Variants in PRKCQ observed in about 807,000 individuals in gnomAD.
PRKCQ encodes protein kinase C theta type.
PRKCQ carries 41 observed loss-of-function variants against 91.2 expected under a neutral mutation model. That is an observed-to-expected ratio of 0.45 (90% confidence interval 0.35 to 0.58). The LOEUF is 0.58. Among genes scored for constraint, PRKCQ ranks in the 20% least tolerant of loss-of-function variants. The pLI is 0.00. For synonymous variants in PRKCQ, 307 were observed against 316.9 expected (o/e 0.97, Z 0.33); for missense variants, 673 against 896.5 (o/e 0.75, Z 3.18).
intron 1 of PRKCQ, among the ~76,000 whole-genome samples, chr10:6,536,676 T>C (rs747344488): frequency 1.4e-4 from 22 of 152,194 alleles, no homozygotes; most frequent in Non-Finnish European, 2.9e-4. Context: ...GGTATCCAAA[T>C]GGGGTACTGG....
intron 12 of PRKCQ, among the ~76,000 whole-genome samples, chr10:6,469,294 C>A (rs894972741): frequency 6.6e-6 from 1 of 152,190 alleles, no homozygotes; most frequent in African/African-American, 2.4e-5. Flanking sequence ...AATTCAGGAT[C>A]CCTCAAAATT....
At chr10:6,490,073 C>CT (rs1324307681) in intron 8 of PRKCQ, among the ~76,000 whole-genome samples, 2 of 152,100 alleles carry the variant, frequency 1.3e-5, no homozygotes, top group Non-Finnish European at 2.9e-5. Context: ...CTAATGAACT[C>CT]TTAATACCCT....
chr10:6,486,882 G>A (rs1370925001), intron 8 of PRKCQ, among the ~76,000 whole-genome samples: 2 of 152,142 alleles, frequency 1.3e-5, no homozygotes, highest in Non-Finnish European at 2.9e-5. Context: ...CGGTGGAGCC[G>A]GAGTGTATAT....
chr10:6,499,119 C>G (rs1837771598), intron 4 of PRKCQ, among the ~76,000 whole-genome samples: 1 of 152,162 alleles, frequency 6.6e-6, no homozygotes, highest in African/African-American at 2.4e-5. Context: ...GACATTGTGT[C>G]CTGGTTCCTG....
intron 11 of PRKCQ, among the ~76,000 whole-genome samples, chr10:6,482,509 A>G (rs181533788): frequency 5.2e-4 from 79 of 152,306 alleles, no homozygotes; most frequent in African/African-American, 1.8e-3. Context: ...ACCATTGCAA[A>G]GCATGGAGAG....
At chr10:6,436,955 G>T (rs1833727314) in intron 16 of PRKCQ, among the ~76,000 whole-genome samples, 1 of 152,210 alleles carries the variant, frequency 6.6e-6, no homozygotes, top group South Asian at 2.1e-4. Context: ...CTGGGTTTGT[G>T]AAGCACAGGG....
chr10:6,411,623 T>G, the PRKCQ span, among the ~76,000 whole-genome samples: 1 of 152,236 alleles, frequency 6.6e-6, no homozygotes, highest in Non-Finnish European at 1.5e-5. Context: ...GGACACCCAT[T>G]TGTTTCCGTA....
At chr10:6,505,808 G>A (rs192501431) in intron 4 of PRKCQ, among the ~76,000 whole-genome samples, 2 of 152,174 alleles carry the variant, frequency 1.3e-5, no homozygotes, top group East Asian at 3.9e-4. Context: ...ACCAACTCTG[G>A]CTAATTTTTG....
intron 12 of PRKCQ, among the ~76,000 whole-genome samples, chr10:6,471,226 C>T (rs970727397): frequency 1.3e-5 from 2 of 148,802 alleles, no homozygotes; most frequent in African/African-American, 2.4e-5. Context: ...AAGAAAAGAG[C>T]GAAACATGCA....
intron 1 of PRKCQ, among the ~76,000 whole-genome samples, chr10:6,569,582 G>A (rs762200281): frequency 2.0e-5 from 3 of 152,118 alleles, no homozygotes; most frequent in South Asian, 2.1e-4. Flanking sequence ...GGCTAGGGAG[G>A]AGGTTCCACA....
chr10:6,437,037 G>A (rs1833730903), intron 16 of PRKCQ, among the ~76,000 whole-genome samples: 1 of 152,178 alleles, frequency 6.6e-6, no homozygotes, highest in Non-Finnish European at 1.5e-5. Context: ...TCCACCTTGG[G>A]ACTCACTTGG....
intron 16 of PRKCQ, 56 bp downstream of exon 16, chr10:6,441,837 C>T: frequency 6.6e-7 from 1 of 1,505,908 alleles, no homozygotes; most frequent in Non-Finnish European, 8.9e-7. Context: ...GAACAGAAAA[C>T]TGACCAGAAG....
rs576699541 is a variant in PRKCQ, at chr10:6,479,810, G to A, written c.1180-645C>T. Reference sequence around the variant, plus strand: ...AAAAAAAAAAATCCAAAAATTAGCCGGGCATGGTGGTGGGTGCCTGTAGTC... The same window carrying A: ...AAAAAAAAAAATCCAAAAATTAGCCAGGCATGGTGGTGGGTGCCTGTAGTC... On this transcript the variant is annotated intron_variant, in intron 11 of 17. Coordinates refer to ENST00000263125, the MANE Select transcript of PRKCQ (RefSeq NM_006257.5). 5.4e-5 allele frequency among the ~76,000 whole-genome samples: 8 copies of A among 148,870 alleles called. 1 individual carries two copies. The highest frequency in any genetic ancestry group is 2.1e-4 in the South Asian group (1 of 4,668).
the PRKCQ span, among the ~76,000 whole-genome samples, chr10:6,404,948 TTCCTTCTA>T: frequency 2.5e-3 from 89 of 35,286 alleles, no homozygotes; most frequent in African/African-American, 0.01. Context: ...CCTTCCTTCC[TTCCTTCTA>T]TCCTTCCTTC....
chr10:6,545,750 T>G (rs942890394), intron 1 of PRKCQ, among the ~76,000 whole-genome samples: 1 of 152,136 alleles, frequency 6.6e-6, no homozygotes, highest in Non-Finnish European at 1.5e-5. Flanking sequence ...CGGTGGCTCA[T>G]GCCTGCAATC....
At position 6,483,533 on chromosome 10, in the gene PRKCQ, A is replaced by G. The variant is rs201040682; in HGVS notation, c.1086T>C (p.Pro362=). ...EVDKMCHLPE[P]ELNKERPSLQ... is the part of the protein sequence containing the mutation. ...GAGATGGTCTTTCTTTGTTCAGTTCAGGTTCTGGAAGATGGCACATTTTAT... is the reference window on the plus strand; with the variant it reads ...GAGATGGTCTTTCTTTGTTCAGTTCGGGTTCTGGAAGATGGCACATTTTAT... The change falls in exon 11 of 18, where the codon CCT becomes CCC. Residue 362 remains proline (P), a synonymous_variant. Coordinates refer to ENST00000263125, the MANE Select transcript of PRKCQ (RefSeq NM_006257.5). 3.8e-5 allele frequency: 62 copies of G among 1,614,178 alleles called. No homozygotes were observed. The East Asian group carries it at 1.0e-3, about 27-fold the overall frequency.
chr10:6,554,799 T>C (rs1840343878), intron 1 of PRKCQ, among the ~76,000 whole-genome samples: 1 of 152,164 alleles, frequency 6.6e-6, no homozygotes, highest in Non-Finnish European at 1.5e-5. Context: ...ACTGGGTATA[T>C]ATCCAAAAGA....
chr10:6,438,777 G>A (rs1433031837), intron 16 of PRKCQ, among the ~76,000 whole-genome samples: 1 of 152,066 alleles, frequency 6.6e-6, no homozygotes, highest in Non-Finnish European at 1.5e-5. Flanking sequence ...TAGATTTTTT[G>A]TAGAGATGGG....
At chr10:6,460,557 T>C (rs937271961) in intron 14 of PRKCQ, among the ~76,000 whole-genome samples, 1 of 152,088 alleles carries the variant, frequency 6.6e-6, no homozygotes, top group Non-Finnish European at 1.5e-5. Context: ...AATGGTGTGA[T>C]CTCAGCTCAC....
Sources: gnomAD v4.1 joint callset for allele counts (sites outside exome capture counted in the v4.1 genomes callset) on GRCh38, gnomAD v4.1.1 for gene constraint, MANE v1.5 for transcripts, NCBI Gene and HGNC (gene_info 2026-07-23, HGNC 2026-07-21) for gene names.